CA10: variants seen among roughly 807,000 people sequenced by gnomAD.
CA10 encodes the protein carbonic anhydrase 10 (inactive).
In CA10, 14 loss-of-function variants were observed where a neutral mutation model predicts 44.2. The observed-to-expected ratio is 0.32, with a 90% CI of 0.21 to 0.50. CA10 has a LOEUF of 0.50. Among genes scored for constraint, CA10 ranks in the 20% least tolerant of loss-of-function variants. CA10 has a pLI of 0.99. For missense variants in CA10, 350 were observed against 409.7 expected (o/e 0.85, Z 1.26); for synonymous variants, 159 against 141.6 (o/e 1.12, Z -0.87).
intron 1 of CA10, among the ~76,000 whole-genome samples, chr17:52,088,439 T>G (rs904227706): frequency 6.6e-6 from 1 of 152,196 alleles, no homozygotes; most frequent in Non-Finnish European, 1.5e-5. Context: ...ATGTGCACCC[T>G]GTATAGGAAA....
At chr17:51,860,100 C>T (rs1249110131) in intron 3 of CA10, among the ~76,000 whole-genome samples, 2 of 152,156 alleles carry the variant, frequency 1.3e-5, no homozygotes, top group Non-Finnish European at 2.9e-5. Context: ...TCCTTCCTTA[C>T]AGGCATATCC....
chr17:51,664,085 G>A (rs1358289755), intron 4 of CA10, among the ~76,000 whole-genome samples: 1 of 152,110 alleles, frequency 6.6e-6, no homozygotes, highest in Non-Finnish European at 1.5e-5. Flanking sequence ...TAAATATTAA[G>A]TCATTCCAGA....
chr17:51,966,996 TAAAC>T (rs1442270559), intron 2 of CA10, among the ~76,000 whole-genome samples: 1 of 151,444 alleles, frequency 6.6e-6, no homozygotes, highest in African/African-American at 2.4e-5. Flanking sequence ...CTAAGAAACT[TAAAC>T]AACTCAACAA....
At chr17:51,717,770 TAC>T (rs1176853852) in intron 4 of CA10, among the ~76,000 whole-genome samples, 49 of 77,814 alleles carry the variant, frequency 6.3e-4, no homozygotes, top group Non-Finnish European at 9.8e-4. Flanking sequence ...TATATATGTA[TAC>T]ATATATGCAT....
intron 3 of CA10, among the ~76,000 whole-genome samples, chr17:51,898,617 G>A (rs1598106691): frequency 6.6e-6 from 1 of 152,252 alleles, no homozygotes; most frequent in East Asian, 1.9e-4. Context: ...AAAAGTTTCA[G>A]TAGGAATGGT....
chr17:51,821,214 T>A (rs1292988375), intron 3 of CA10, among the ~76,000 whole-genome samples: 1 of 144,926 alleles, frequency 6.9e-6, no homozygotes, highest in East Asian at 2.1e-4. Flanking sequence ...GCTGGGTAGA[T>A]GAAACCAAAT....
intron 2 of CA10, among the ~76,000 whole-genome samples, chr17:52,000,775 A>G (rs918334060): frequency 1.3e-5 from 2 of 152,052 alleles, no homozygotes; most frequent in Admixed American, 6.6e-5. Context: ...TATGAGGGTA[A>G]TAATAGTATC....
At chr17:52,097,581 A>G (rs1431114367) in intron 1 of CA10, among the ~76,000 whole-genome samples, 3 of 152,184 alleles carry the variant, frequency 2.0e-5, no homozygotes, top group Non-Finnish European at 4.4e-5. Context: ...TTGACACGGA[A>G]TAAGTCTGAC....
intron 3 of CA10, among the ~76,000 whole-genome samples, chr17:51,915,711 A>G (rs1981967147): frequency 6.6e-6 from 1 of 152,148 alleles, no homozygotes; most frequent in Non-Finnish European, 1.5e-5. Flanking sequence ...AAATCAGTAT[A>G]CAGATGACAT....
At chr17:51,697,050 CA>C (rs759205405) in intron 4 of CA10, among the ~76,000 whole-genome samples, 2 of 150,772 alleles carry the variant, frequency 1.3e-5, no homozygotes, top group Non-Finnish European at 2.9e-5. Flanking sequence ...AGGTATCTCC[CA>C]GGGGCCTCTT....
At chr17:52,005,246 A>C (rs898445728) in intron 2 of CA10, among the ~76,000 whole-genome samples, 1 of 151,920 alleles carries the variant, frequency 6.6e-6, no homozygotes, top group African/African-American at 2.4e-5. Flanking sequence ...ATAAAAATAA[A>C]TTCTGCTTCC....
chr17:51,709,564 T>C (rs1271583007), intron 4 of CA10, among the ~76,000 whole-genome samples: 1 of 152,134 alleles, frequency 6.6e-6, no homozygotes, highest in Non-Finnish European at 1.5e-5. Context: ...AGGTGGAAAT[T>C]TAATTGACCT....
At chr17:52,093,876 A>G (rs1240028841) in intron 1 of CA10, among the ~76,000 whole-genome samples, 3 of 152,162 alleles carry the variant, frequency 2.0e-5, no homozygotes, top group Admixed American at 6.5e-5. Context: ...ACATAAAGAC[A>G]CTGAAGTTCA....
intron 3 of CA10, among the ~76,000 whole-genome samples, chr17:51,788,721 G>C (rs754910723): frequency 6.6e-5 from 10 of 152,152 alleles, no homozygotes; most frequent in Non-Finnish European, 1.3e-4. Flanking sequence ...ACACTTCAAT[G>C]GTTCTTAGAA....
intron 6 of CA10, 100 bp from the exon 7 acceptor site, chr17:51,636,109 T>A: frequency 1.7e-6 from 1 of 599,364 alleles, no homozygotes; most frequent in South Asian, 3.9e-5. Flanking sequence ...TACATATACA[T>A]ACATATATAC....
chr17:51,734,697 AGGACCTCAGGCTGAT>A (rs1455136470), intron 4 of CA10, among the ~76,000 whole-genome samples: 1 of 152,332 alleles, frequency 6.6e-6, no homozygotes, highest in African/African-American at 2.4e-5. Flanking sequence ...GATTCCTTGC[AGGACCTCAGGCTGAT>A]GGGTTTTCTC....
rs186060601 is a variant in CA10, at chr17:51,765,215, G to A, written c.280-17397C>T. Among the ~76,000 whole-genome samples, 15 of 152,092 alleles carry A rather than the reference G, an allele frequency of 9.9e-5. No individual in the cohort carries two copies. In the East Asian group the frequency reaches 2.9e-3, roughly 30 times the overall value. Reference sequence around the variant, plus strand: ...GTTTTCTGTTCATTATCTCTGTAATGAGAGAAAAATAAAGCCACTCTGCTG... The same window carrying A: ...GTTTTCTGTTCATTATCTCTGTAATAAGAGAAAAATAAAGCCACTCTGCTG... On this transcript the variant is annotated intron_variant, in intron 3 of 8. Transcript: ENST00000451037.
At chr17:51,728,611 G>A (rs1042213773) in intron 4 of CA10, among the ~76,000 whole-genome samples, 2 of 152,270 alleles carry the variant, frequency 1.3e-5, no homozygotes, top group African/African-American at 4.8e-5. Flanking sequence ...CATATCACAG[G>A]GGAAAGTGCC....
At chr17:51,797,850 CAAAAAAAAAAA>C (rs58344941) in intron 3 of CA10, among the ~76,000 whole-genome samples, 1 of 73,776 alleles carries the variant, frequency 1.4e-5, no homozygotes, top group Non-Finnish European at 2.5e-5. Flanking sequence ...GGCTCCATCT[CAAAAAAAAAAA>C]AAAAAAAAAA....
Sources: allele counts gnomAD v4.1 joint callset (sites outside exome capture counted in the v4.1 genomes callset), GRCh38; gene constraint gnomAD v4.1.1; transcripts MANE v1.5; gene names NCBI Gene and HGNC (gene_info 2026-07-23, HGNC 2026-07-21).